Variants in RFX7 observed in about 807,000 individuals in gnomAD.
RFX7 encodes DNA-binding protein RFX7.
Under a neutral mutation model 111.8 loss-of-function variants are expected in RFX7, and 26 were observed. That is an observed-to-expected ratio of 0.23 (90% CI 0.17 to 0.32). The LOEUF is 0.32. RFX7 is among the 10% of genes least tolerant of loss of function. RFX7 has a pLI of 1.00. For missense variants in RFX7, 1,573 were observed against 1,772.9 expected (o/e 0.89, Z 2.02); for synonymous variants, 624 against 624.4 (o/e 1.00, Z 0.01).
At chr15:56,183,788 AAT>A (rs1188802179) in intron 2 of RFX7, among the ~76,000 whole-genome samples, 8 of 152,116 alleles carry the variant, frequency 5.3e-5, no homozygotes, top group Non-Finnish European at 8.8e-5. Flanking sequence ...GGACTGTATT[AAT>A]GTTATAGGTT....
intron 5 of RFX7, among the ~76,000 whole-genome samples, chr15:56,139,900 T>C (rs1257652192): frequency 1.3e-5 from 2 of 152,198 alleles, no homozygotes; most frequent in Non-Finnish European, 2.9e-5. Context: ...GTGCCCCTGC[T>C]GGGGGGTGCC....
chr15:56,146,538 TCTA>T (rs2042475913), intron 3 of RFX7, among the ~76,000 whole-genome samples: 2 of 152,020 alleles, frequency 1.3e-5, no homozygotes, highest in South Asian at 4.1e-4. Context: ...AAGAAAAAAA[TCTA>T]CTGTTGGAGA....
intron 3 of RFX7, among the ~76,000 whole-genome samples, chr15:56,178,152 G>A (rs1464647950): frequency 6.2e-5 from 8 of 128,320 alleles, no homozygotes; most frequent in Admixed American, 2.4e-4. Flanking sequence ...AAAAAAACTC[G>A]AAAACCAAAA....
At chr15:56,153,770 A>G (rs1322450772) in intron 3 of RFX7, among the ~76,000 whole-genome samples, 4 of 152,190 alleles carry the variant, frequency 2.6e-5, no homozygotes, top group Non-Finnish European at 5.9e-5. Flanking sequence ...CCTATTCAAC[A>G]TAATATTGGA....
Position 56,107,251 on chromosome 15 carries a change from C to G in RFX7, c.402-3581G>C, listed in dbSNP as rs150916448. Among the ~76,000 whole-genome samples, 1,274 of 134,316 alleles carry G rather than the reference C, an allele frequency of 9.5e-3. 9 individuals carry two copies. Among genetic ancestry groups the G allele is most frequent in the Middle Eastern group, 0.016 (4 of 254 alleles). The allele number at this position is 134,316 out of a possible 152,430, so 88.1% of individuals were successfully genotyped here. ...GGCGGAGCTTGCAGTGGGCCGAGAT[C>G]GCGCCACTGCACTCCAGCCTGGGCA... On this transcript the variant is annotated intron_variant, in intron 5 of 9. Transcript: ENST00000559447.
At chr15:56,200,069 G>A (rs2043178999) in intron 2 of RFX7, among the ~76,000 whole-genome samples, 1 of 152,060 alleles carries the variant, frequency 6.6e-6, no homozygotes, top group Admixed American at 6.5e-5. Context: ...TTACCATTTT[G>A]GAACTTCCTC....
At chr15:56,098,031 G>A (rs749145169) in intron 9 of RFX7, 50 bp downstream of exon 9, 1 of 1,549,862 alleles carries the variant, frequency 6.5e-7, no homozygotes, top group Non-Finnish European at 8.8e-7. Context: ...TAAGTAAACA[G>A]TTGATTTCCC....
chr15:56,172,093 A>G (rs138197665), intron 3 of RFX7, among the ~76,000 whole-genome samples: 6 of 152,234 alleles, frequency 3.9e-5, no homozygotes, highest in African/African-American at 1.4e-4. Context: ...ATGAGGGGGT[A>G]GTGTGTGTAT....
At chr15:56,147,958 T>C (rs1027584300) in intron 3 of RFX7, among the ~76,000 whole-genome samples, 7 of 152,198 alleles carry the variant, frequency 4.6e-5, no homozygotes, top group Non-Finnish European at 7.3e-5. Flanking sequence ...CAAACAACAT[T>C]TGTAGACTTA....
In RFX7 at chr15:56,195,667, G is replaced by T. The variant is rs567456525; in HGVS notation, c.162-16364C>A. ...GGATGGCACCCTGCTTTACTTTATG[G>T]GTTTATCAAATGCATTATAAGATGT... On this transcript the variant is annotated intron_variant, in intron 2 of 9. Coordinates refer to ENST00000559447, the MANE Select transcript of RFX7 (RefSeq NM_022841.7). Among the ~76,000 whole-genome samples the T allele has an allele frequency of 2.6e-5, 4 of 152,186 alleles. No homozygotes were observed. The South Asian group carries it at 8.3e-4, about 32-fold the overall frequency.
chr15:56,142,664 G>A, intron 5 of RFX7, 114 bp downstream of exon 5: 1 of 904,120 alleles, frequency 1.1e-6, no homozygotes, highest in South Asian at 1.9e-5. Flanking sequence ...ATTTCTAAGT[G>A]TAATTCCCAT....
chr15:56,140,021 C>T (rs1235970356), intron 5 of RFX7, among the ~76,000 whole-genome samples: 4 of 152,150 alleles, frequency 2.6e-5, no homozygotes, highest in African/African-American at 9.7e-5. Flanking sequence ...CTCTTCAAAG[C>T]TGTCAGACAG....
chr15:56,146,149 T>C (rs1008230404), intron 3 of RFX7, among the ~76,000 whole-genome samples: 4 of 152,156 alleles, frequency 2.6e-5, no homozygotes, highest in African/African-American at 4.8e-5. Flanking sequence ...CCAGATTGAA[T>C]TGCAGTGGCT....
At chr15:56,202,003 C>G (rs2043197555) in intron 2 of RFX7, among the ~76,000 whole-genome samples, 1 of 152,088 alleles carries the variant, frequency 6.6e-6, no homozygotes, top group Non-Finnish European at 1.5e-5. Flanking sequence ...TGCACTCCAG[C>G]CTGGGCGACA....
intron 5 of RFX7, among the ~76,000 whole-genome samples, chr15:56,126,021 G>A (rs2042140706): frequency 6.6e-6 from 1 of 152,054 alleles, no homozygotes; most frequent in Admixed American, 6.5e-5. Flanking sequence ...TAAAGGCTTT[G>A]ATCTTCTGTG....
At chr15:56,147,209 G>C (rs2042489367) in intron 3 of RFX7, among the ~76,000 whole-genome samples, 1 of 152,168 alleles carries the variant, frequency 6.6e-6, no homozygotes, top group Non-Finnish European at 1.5e-5. Flanking sequence ...TGGAGCACCA[G>C]AGAAAAGACC....
chr15:56,130,765 A>C (rs9920255), intron 5 of RFX7, among the ~76,000 whole-genome samples: 4,996 of 152,164 alleles, frequency 0.033, 191 homozygotes, highest in African/African-American at 0.092. Context: ...AAATTAGGCT[A>C]AGTGAAATAT....
At chr15:56,220,623 T>C (rs1422729999) in intron 2 of RFX7, among the ~76,000 whole-genome samples, 1 of 152,198 alleles carries the variant, frequency 6.6e-6, no homozygotes, top group Non-Finnish European at 1.5e-5. Flanking sequence ...TTTTCTCCCA[T>C]TCTATAGTTT....
chr15:56,189,301 G>T (rs1029331050), intron 2 of RFX7, among the ~76,000 whole-genome samples: 2 of 152,026 alleles, frequency 1.3e-5, no homozygotes, highest in Non-Finnish European at 2.9e-5. Context: ...AATTGCTTGA[G>T]CCCAGGAGTT....
Sources: allele counts gnomAD v4.1 joint callset (sites outside exome capture counted in the v4.1 genomes callset), GRCh38; gene constraint gnomAD v4.1.1; transcripts MANE v1.5; gene names NCBI Gene and HGNC (gene_info 2026-07-23, HGNC 2026-07-21).